The following ASIC2 variants were observed in gnomAD, a reference collection of about 807,000 sequenced individuals.
ASIC2 encodes the protein acid-sensing ion channel 2.
Under a neutral mutation model 57.3 loss-of-function variants are expected in ASIC2, and 25 were observed. That is an observed-to-expected ratio of 0.44 (90% CI 0.32 to 0.61). The LOEUF (loss-of-function observed/expected upper bound fraction) is 0.61. ASIC2 is among the 20% of genes least tolerant of loss of function. ASIC2 has a pLI of 0.06. For missense variants in ASIC2, 641 were observed against 738.1 expected (o/e 0.87, Z 1.52); for synonymous variants, 319 against 307.5 (o/e 1.04, Z -0.39).
At chr17:34,099,493 A>G (rs985160214) in intron 1 of ASIC2, among the ~76,000 whole-genome samples, 2 of 145,638 alleles carry the variant, frequency 1.4e-5, no homozygotes, top group African/African-American at 5.2e-5. Flanking sequence ...AGGAGGGAAA[A>G]GAAGGAAAGA....
intron 1 of ASIC2, among the ~76,000 whole-genome samples, chr17:33,968,373 C>A (rs1905132646): frequency 6.6e-6 from 1 of 152,178 alleles, no homozygotes; most frequent in Admixed American, 6.5e-5. Context: ...CCGCCTGCAA[C>A]TGTGTTCTGA....
intron 1 of ASIC2, among the ~76,000 whole-genome samples, chr17:33,814,751 T>G (rs896892397): frequency 6.6e-6 from 1 of 152,192 alleles, no homozygotes; most frequent in African/African-American, 2.4e-5. Flanking sequence ...TATTCATAAT[T>G]TTTCTGTCTG....
chr17:33,797,386 G>T (rs556295723), intron 1 of ASIC2, among the ~76,000 whole-genome samples: 1 of 152,288 alleles, frequency 6.6e-6, no homozygotes, highest in Non-Finnish European at 1.5e-5. Flanking sequence ...ATCCCTTGGC[G>T]GCACTGTGAG....
intron 1 of ASIC2, among the ~76,000 whole-genome samples, chr17:33,497,397 G>A (rs1048157217): frequency 5.3e-5 from 8 of 152,132 alleles, no homozygotes; most frequent in Non-Finnish European, 8.8e-5. Flanking sequence ...TATATAAATA[G>A]CAGGGAATTT....
chr17:33,144,119 C>G (rs928912068), intron 1 of ASIC2, among the ~76,000 whole-genome samples: 1 of 151,506 alleles, frequency 6.6e-6, no homozygotes, highest in Non-Finnish European at 1.5e-5. Flanking sequence ...CCAAGCTGGG[C>G]CAATCAGTTA....
chr17:33,306,194 C>G (rs772897835), intron 1 of ASIC2, among the ~76,000 whole-genome samples: 3 of 152,188 alleles, frequency 2.0e-5, no homozygotes, highest in Non-Finnish European at 4.4e-5. Context: ...GTTCATGCCT[C>G]TATCAGAAAC....
intron 1 of ASIC2, among the ~76,000 whole-genome samples, chr17:33,191,797 A>G (rs1005416580): frequency 3.9e-5 from 6 of 152,168 alleles, no homozygotes; most frequent in African/African-American, 1.4e-4. Flanking sequence ...GACAGACTTC[A>G]CAAAGCTCCC....
At chr17:33,127,539 T>C (rs2092328790) in intron 1 of ASIC2, among the ~76,000 whole-genome samples, 2 of 152,186 alleles carry the variant, frequency 1.3e-5, no homozygotes, top group Admixed American at 6.5e-5. Flanking sequence ...ATTAATGATA[T>C]GAGTCTTTGC....
intron 1 of ASIC2, among the ~76,000 whole-genome samples, chr17:33,594,555 ACAGTGGCT>A (rs71836346): frequency 0.096 from 14,635 of 152,186 alleles, 884 homozygotes; most frequent in East Asian, 0.18. Flanking sequence ...TAGGCTGGGC[ACAGTGGCT>A]CACACCTGTA....
In ASIC2 at chr17:33,180,937, C is replaced by T. The variant is rs1041843048; in HGVS notation, c.709-68870G>A. Among the ~76,000 whole-genome samples, 3 of 152,226 alleles carry T rather than the reference C, an allele frequency of 2.0e-5. No individual in the cohort carries two copies. In the South Asian group the frequency reaches 6.2e-4, roughly 32 times the overall value. On this transcript the variant is annotated intron_variant, in intron 1 of 9. Coordinates refer to ENST00000225823, the MANE Select transcript of ASIC2 (RefSeq NM_183377.2). ...CTCTGTGGCAGGCAGAAGGGCCACG[C>T]GGCTGTGCTCTGCTTCACATTTTGA...
At chr17:34,057,421 G>A (rs1299518808) in intron 1 of ASIC2, among the ~76,000 whole-genome samples, 1 of 152,238 alleles carries the variant, frequency 6.6e-6, no homozygotes, top group East Asian at 1.9e-4. Context: ...CAAGGAGGGT[G>A]TGATTGAGGA....
intron 1 of ASIC2, among the ~76,000 whole-genome samples, chr17:33,125,763 A>G (rs2092320654): frequency 6.6e-6 from 1 of 152,166 alleles, no homozygotes; most frequent in East Asian, 1.9e-4. Context: ...GTTCCAGCCT[A>G]TTGTTCTTGT....
intron 1 of ASIC2, among the ~76,000 whole-genome samples, chr17:33,453,284 GAAA>G (rs3057620): frequency 1.7e-3 from 224 of 129,614 alleles, no homozygotes; most frequent in Middle Eastern, 0.012. Flanking sequence ...CAAAGCAGGT[GAAA>G]AAAAAAAAAA....
intron 1 of ASIC2, among the ~76,000 whole-genome samples, chr17:33,325,135 A>G (rs1907023830): frequency 6.6e-6 from 1 of 152,202 alleles, no homozygotes; most frequent in East Asian, 1.9e-4. Flanking sequence ...AAACAAACAA[A>G]CAAACAAACA....
At chr17:34,088,807 A>G (rs1408198349) in intron 1 of ASIC2, among the ~76,000 whole-genome samples, 1 of 152,198 alleles carries the variant, frequency 6.6e-6, no homozygotes, top group Non-Finnish European at 1.5e-5. Context: ...GCTAGCAATC[A>G]GCGAGACTCC....
chr17:33,019,191 G>T (rs990250127), intron 7 of ASIC2, among the ~76,000 whole-genome samples: 1 of 152,110 alleles, frequency 6.6e-6, no homozygotes, highest in Admixed American at 6.5e-5. Flanking sequence ...ATATGCCAGG[G>T]TCTGGGGTGT....
intron 1 of ASIC2, among the ~76,000 whole-genome samples, chr17:34,092,957 G>A (rs1910385117): frequency 6.6e-6 from 1 of 152,126 alleles, no homozygotes; most frequent in African/African-American, 2.4e-5. Flanking sequence ...CATAAAATAT[G>A]CATATTTGTC....
In ASIC2 at chr17:33,013,992, C is replaced by A. The variant is rs1376281503; in HGVS notation, c.1665G>T (p.Leu555=). 1 of 1,600,960 alleles carries A rather than the reference C, an allele frequency of 6.2e-7. No homozygotes were observed. The highest frequency in any genetic ancestry group is 8.5e-7 in the Non-Finnish European group (1 of 1,173,454). Reference sequence around the variant, plus strand: ...AGCAGGCAATCTCCTCCAAGGTCCCCAGGGTCGTCTGCAGGGGCACGTTCA... The same window carrying A: ...AGCAGGCAATCTCCTCCAAGGTCCCAAGGGTCGTCTGCAGGGGCACGTTCA... ...HTVNVPLQTT[L]GTLEEIAC Residue 555 remains leucine, a synonymous_variant, in exon 10 of 10, where the codon CTG becomes CTT. Transcript: ENST00000225823.
At position 33,659,491 on chromosome 17, in the gene ASIC2, A is replaced by G. The variant is rs148263389; in HGVS notation, c.555+496487T>C. 2.5e-3 allele frequency among the ~76,000 whole-genome samples: 382 copies of G among 152,342 alleles called. 3 individuals carry two copies. Among genetic ancestry groups the G allele is most frequent in the African/African-American group, 8.9e-3 (372 of 41,572 alleles). ...TGTACATTATGCGACTGTCCTCAATACTGTAGGCAATTGTAACACAATGGT... is the reference window on the plus strand; with the variant it reads ...TGTACATTATGCGACTGTCCTCAATGCTGTAGGCAATTGTAACACAATGGT... On this transcript the variant is annotated intron_variant, in intron 1 of 9. Transcript: ENST00000359872.
Sources: gnomAD v4.1 joint callset for allele counts (sites outside exome capture counted in the v4.1 genomes callset) on GRCh38, gnomAD v4.1.1 for gene constraint, MANE v1.5 for transcripts, NCBI Gene and HGNC (gene_info 2026-07-23, HGNC 2026-07-21) for gene names.